SYNPO: variants seen among roughly 807,000 people sequenced by gnomAD.
The protein encoded by SYNPO is synaptopodin.
A neutral mutation model predicts 49.5 loss-of-function variants in SYNPO; 19 were observed. The observed-to-expected ratio is 0.38, with a 90% CI of 0.27 to 0.56. SYNPO has a LOEUF of 0.56. Ranked by LOEUF, SYNPO falls within the 20% of genes least tolerant of loss-of-function variation. The pLI, the probability that SYNPO is intolerant of heterozygous loss-of-function variation, is 0.68. For synonymous variants in SYNPO, 536 were observed against 548.0 expected (o/e 0.98, Z 0.31); for missense variants, 1,131 against 1,248.3 (o/e 0.91, Z 1.42).
chr5:150,652,350 CTTT>C (rs1032800842), intron 2 of SYNPO: 6 of 987,802 alleles, frequency 6.1e-6, no homozygotes, highest in African/African-American at 1.8e-5. Flanking sequence ...CGTCTTGCTT[CTTT>C]CTTTCTTCCG....
rs534896798 is a variant in SYNPO at position 150,634,448 on chromosome 5, G to A, written c.401-13496G>A. ...ACTTTGGTGACACGTGAGGATGCTGGTGGTGGTGCTAAGGTGTATGGTGCT... is the reference window on the plus strand; with the variant it reads ...ACTTTGGTGACACGTGAGGATGCTGATGGTGGTGCTAAGGTGTATGGTGCT... On this transcript the variant is annotated intron_variant, in intron 2 of 2. Transcript: ENST00000394243. Among the ~76,000 whole-genome samples the A allele has an allele frequency of 2.0e-5, 3 of 152,340 alleles. No homozygotes were observed. The South Asian group carries it at 6.2e-4, about 32-fold the overall frequency.
intron 1 of SYNPO, among the ~76,000 whole-genome samples, chr5:150,609,082 T>G (rs1181111564): frequency 6.6e-6 from 1 of 152,164 alleles, no homozygotes; most frequent in Non-Finnish European, 1.5e-5. Flanking sequence ...AAAAAAGCTT[T>G]GATTTGTAGC....
rs1018742648 is a variant in SYNPO at position 150,656,714 on chromosome 5, C to T, written c.2339C>T (p.Pro780Leu). 6 of 1,414,880 alleles carry T rather than the reference C, an allele frequency of 4.2e-6. No homozygotes were observed. In the Admixed American group the frequency reaches 1.3e-4, roughly 31 times the overall value. The allele number at this position is 1,414,880 out of a possible 1,614,324, so 87.6% of individuals were successfully genotyped here. ...ASPRSAGAEN[P>L]RPFSPPRAPP... ...CCGCGGTCGGCGGGCGCCGAGAACC[C>T]GCGGCCCTTCTCCCCGCCGAGGGCG... is the stretch of plus-strand genomic sequence containing the variant. Residue 780 changes from proline to leucine, a missense_variant, in exon 3 of 3, where the codon CCG becomes CTG. Physicochemically the swap from Pro to Leu is moderately conservative, Grantham distance 98 (BLOSUM62 -3). Coordinates refer to ENST00000307662, the MANE Select transcript of SYNPO (RefSeq NM_007286.6).
chr5:150,618,380 C>A (rs1423431311), exon 2 of SYNPO: 3 of 1,549,946 alleles, frequency 1.9e-6, no homozygotes, highest in Non-Finnish European at 2.6e-6. Context: ...GCTGGGTCCT[C>A]ACCTCCCACC....
rs1347051455 is a variant in SYNPO, at chr5:150,649,249, T to C, written c.974T>C (p.Leu325Ser). The C allele has an allele frequency of 1.2e-6, 2 of 1,614,052 alleles. No homozygotes were observed. The highest frequency in any genetic ancestry group is 1.3e-5 in the African/African-American group (1 of 74,922). ...GCACCCCCCACCTACACTGAGACCT[T>C]GTCCACAGCCCCTCTGGCTTCCTGG... is the stretch of plus-strand genomic sequence containing the variant. ...FTAPPTYTET[L>S]STAPLASWVR... Residue 325 changes from leucine to serine, a missense_variant, in exon 2 of 3, where the codon TTG becomes TCG. Physicochemically the swap from Leu to Ser is moderately radical, Grantham distance 145 (BLOSUM62 -2). This residue lies in a region of SYNPO where 602 missense variants were observed against 720.7 expected (regional missense o/e 0.84). Transcript: ENST00000307662.
At position 150,656,291 on chromosome 5, in the gene SYNPO, C is replaced by G. The variant is rs534399353; in HGVS notation, c.2029-113C>G. ...ATTGCAGGCACTACCTGACTTGGAT[C>G]GGTGGCTTCCCTTCTCGGTGTAATG... On this transcript the variant is annotated intron_variant, in intron 2 of 2. Transcript: ENST00000307662. The G allele has an allele frequency of 4.1e-5, 35 of 850,346 alleles. No individual in the cohort carries two copies. The African/African-American group carries it at 5.9e-4, about 14-fold the overall frequency. 52.7% of individuals were successfully genotyped at this position (850,346 alleles called of 1,614,324 possible).
At chr5:150,590,035 C>T in the SYNPO span, among the ~76,000 whole-genome samples, 5 of 152,232 alleles carry the variant, frequency 3.3e-5, no homozygotes, top group African/African-American at 1.2e-4. Flanking sequence ...AGCCAAAGCC[C>T]GCGCAGAGGG....
chr5:150,649,538 C>T lies in SYNPO; in HGVS notation c.1263C>T (p.Phe421=), dbSNP rs376777866. ...AGGTAGGCGTGGAGGAGGAGCCCTT[C>T]GCACTGGGGGCCGAGGCCTCCAACT... The part of the protein sequence containing the change: ...QGEVGVEEEP[F]ALGAEASNFQ... The change falls in exon 2 of 3, where the codon TTC becomes TTT. Residue 421 remains phenylalanine, a synonymous_variant. Coordinates refer to ENST00000307662, the MANE Select transcript of SYNPO (RefSeq NM_007286.6). 18 of 1,610,542 alleles carry T rather than the reference C, an allele frequency of 1.1e-5. No homozygotes were observed. The highest frequency in any genetic ancestry group is 3.4e-5 in the Admixed American group (2 of 59,490).
chr5:150,618,572 G>T, exon 2 of SYNPO: 5 of 1,550,692 alleles, frequency 3.2e-6, no homozygotes, highest in Non-Finnish European at 4.4e-6. Flanking sequence ...GGACGACTCT[G>T]CCTGCAGAGT....
At chr5:150,633,448 G>A (rs1185640592) in intron 2 of SYNPO, among the ~76,000 whole-genome samples, 2 of 152,218 alleles carry the variant, frequency 1.3e-5, no homozygotes, top group Non-Finnish European at 2.9e-5. Context: ...GAGGGGTCTT[G>A]TGGCTGGAAG....
intron 2 of SYNPO, among the ~76,000 whole-genome samples, chr5:150,633,533 C>T (rs978612230): frequency 2.6e-5 from 4 of 152,132 alleles, no homozygotes; most frequent in Non-Finnish European, 5.9e-5. Context: ...TTTCATAAAC[C>T]TGGAGTGGTA....
intron 1 of SYNPO, among the ~76,000 whole-genome samples, chr5:150,609,317 G>A (rs746062558): frequency 5.9e-5 from 9 of 152,134 alleles, no homozygotes; most frequent in South Asian, 2.1e-4. Context: ...TTTTTGAGAT[G>A]GAGTTTCACT....
At chr5:150,608,076 G>T (rs1756743632) in intron 1 of SYNPO, among the ~76,000 whole-genome samples, 1 of 152,244 alleles carries the variant, frequency 6.6e-6, no homozygotes, top group Admixed American at 6.5e-5. Context: ...ACTCGCTGTG[G>T]TATAGCCTAG....
intron 2 of SYNPO, among the ~76,000 whole-genome samples, chr5:150,619,207 G>A (rs553431977): frequency 1.3e-5 from 2 of 152,244 alleles, no homozygotes; most frequent in South Asian, 4.1e-4. Context: ...AACGGATGTG[G>A]TTGCTGACCT....
chr5:150,651,155 G>T (rs945256195), intron 2 of SYNPO: 79 of 1,037,510 alleles, frequency 7.6e-5, no homozygotes, highest in Non-Finnish European at 8.8e-5. Context: ...GCAGATGTGG[G>T]TGTGCCACAG....
rs181140831 is a variant in SYNPO at position 150,622,878 on chromosome 5, A to C, written c.400+4111A>C. Among the ~76,000 whole-genome samples, 11 of 152,318 alleles carry C rather than the reference A, an allele frequency of 7.2e-5. No homozygotes were observed. In the East Asian group the frequency reaches 2.1e-3, roughly 29 times the overall value. On this transcript the variant is annotated intron_variant, in intron 2 of 2. Coordinates refer to the SYNPO transcript ENST00000394243. ...CACCTCACCATGCACTCACACATACATGCTTTCACATCCATCCGTAAACAC... is the reference window on the plus strand; with the variant it reads ...CACCTCACCATGCACTCACACATACCTGCTTTCACATCCATCCGTAAACAC...
chr5:150,628,066 G>GT lies in SYNPO; in HGVS notation c.400+9299_400+9300insT, dbSNP rs1561643374. ...TGTGTGTGTGTGTGTGTGTGTGTGT[G>GT]GTCAGAGTCTTTTGTGAACTGTCCC... On this transcript the variant is annotated intron_variant, in intron 2 of 2. Transcript: ENST00000394243. 7.1e-3 allele frequency among the ~76,000 whole-genome samples: 1,064 copies of GT among 150,380 alleles called. 14 individuals are homozygous for GT. The highest frequency in any genetic ancestry group is 0.025 in the African/African-American group (1,030 of 40,698).
chr5:150,593,174 G>T, the SYNPO span, among the ~76,000 whole-genome samples: 1 of 152,198 alleles, frequency 6.6e-6, no homozygotes, highest in South Asian at 2.1e-4. Flanking sequence ...ATGGCCTTAG[G>T]CCCCCAGACC....
chr5:150,596,320 C>A (rs1482140809), upstream of SYNPO, among the ~76,000 whole-genome samples: 2 of 152,206 alleles, frequency 1.3e-5, no homozygotes, highest in Non-Finnish European at 2.9e-5. Flanking sequence ...CCAGCAGTCA[C>A]TGTGGGACTA....
Sources: gnomAD v4.1 joint callset for allele counts (sites outside exome capture counted in the v4.1 genomes callset) on GRCh38, gnomAD v4.1.1 for gene constraint, gnomAD v4.1.1 regional missense constraint, MANE v1.5 for transcripts, NCBI Gene and HGNC (gene_info 2026-07-23, HGNC 2026-07-21) for gene names.